BCL9: variants seen among roughly 807,000 people sequenced by gnomAD.
BCL9 encodes BCL9 transcription coactivator, also known as B-cell CLL/lymphoma 9 protein.
BCL9 carries 25 observed loss-of-function variants against 88.5 expected under a neutral mutation model. The observed-to-expected ratio is 0.28, with a 90% CI of 0.21 to 0.39. The LOEUF (loss-of-function observed/expected upper bound fraction) is 0.39, where lower values mean the gene tolerates loss of function less well. Among genes scored for constraint, BCL9 ranks in the 10% least tolerant of loss-of-function variants. The pLI is 1.00. For missense variants in BCL9, 1,817 were observed against 1,877.8 expected (o/e 0.97, Z 0.60); for synonymous variants, 711 against 673.3 (o/e 1.06, Z -0.87).
intron 1 of BCL9, among the ~76,000 whole-genome samples, chr1:147,550,020 A>G (rs1225148369): frequency 6.6e-6 from 1 of 152,044 alleles, no homozygotes; most frequent in Non-Finnish European, 1.5e-5. Flanking sequence ...TTCTTTCCTT[A>G]CATTCTTTCA....
intron 1 of BCL9, among the ~76,000 whole-genome samples, chr1:147,554,669 G>A (rs782761050): frequency 2.0e-5 from 3 of 152,218 alleles, no homozygotes; most frequent in South Asian, 2.1e-4. Flanking sequence ...GGAATCAGGC[G>A]ACCTGGGTTC....
chr1:147,596,338 C>A (rs587707732), intron 1 of BCL9, among the ~76,000 whole-genome samples: 1 of 152,144 alleles, frequency 6.6e-6, no homozygotes, highest in African/African-American at 2.4e-5. Context: ...GAAATAATTT[C>A]CTGGCTATGT....
Position 147,624,486 on chromosome 1 carries a change from T to C in BCL9, c.3808T>C (p.Phe1270Leu). 1 of 1,613,840 alleles carries C rather than the reference T, an allele frequency of 6.2e-7. No homozygotes were observed. The highest frequency in any genetic ancestry group is 1.3e-5 in the African/African-American group (1 of 74,932). ...ACAGCCCCAGGGTCCTGGACCTGGG[T>C]TTTCACACATGCAGGGGATGATGGG... ...RKQPQGPGPGFSHMQGMMGEQ... is the reference protein window; with the variant it reads ...RKQPQGPGPGLSHMQGMMGEQ... The change falls in exon 10 of 10, where the codon TTT becomes CTT. Residue 1270 changes from phenylalanine (F) to leucine (L), a missense_variant. This residue lies in a region of BCL9 where 589 missense variants were observed against 686.2 expected (regional missense o/e 0.86). Transcript: ENST00000234739. The surrounding 1 kb of genome is among the most constrained non-coding windows in gnomAD (Gnocchi z 4.4).
intron 6 of BCL9, 136 bp downstream of exon 6, chr1:147,614,752 ACTC>A: frequency 1.1e-6 from 1 of 943,964 alleles, no homozygotes; most frequent in Non-Finnish European, 1.5e-6. Flanking sequence ...CCCAACCCAA[ACTC>A]CCCCAGAGGC....
intron 1 of BCL9, chr1:147,600,051 G>A (rs1270772667): frequency 6.6e-6 from 1 of 150,438 alleles, no homozygotes; most frequent in Admixed American, 6.6e-5. Context: ...TCCGAGGCGG[G>A]GCCGGCTGTA....
At chr1:147,609,515 A>C (rs1657897408) in intron 3 of BCL9, among the ~76,000 whole-genome samples, 1 of 152,230 alleles carries the variant, frequency 6.6e-6, no homozygotes, top group Non-Finnish European at 1.5e-5. Flanking sequence ...AGCCATTCAC[A>C]CCCCATGTGC....
rs782747030 is a variant in BCL9 at position 147,624,805 on chromosome 1, G to A, written c.4127G>A (p.Gly1376Asp). 8 of 1,614,094 alleles carry A rather than the reference G, an allele frequency of 5.0e-6. No individual in the cohort carries two copies. Among genetic ancestry groups the A allele is most frequent in the South Asian group, 1.1e-5 (1 of 91,074 alleles). ...CTCTACACCCACCCTGGGCCTGTGGGCTCTCCAGGCATGATGATGTCCATG... is the reference window on the plus strand; with the variant it reads ...CTCTACACCCACCCTGGGCCTGTGGACTCTCCAGGCATGATGATGTCCATG... ...AGLYTHPGPV[G>D]SPGMMMSMQG... is the part of the protein sequence containing the mutation. The change falls in exon 10 of 10, where the codon GGC becomes GAC. Residue 1376 changes from glycine (G) to aspartate (D), a missense_variant. Transcript: ENST00000234739. This position sits in a 1 kb window ranked among gnomAD's most constrained non-coding sequence, Gnocchi z 4.4.
Position 147,625,505 on chromosome 1 carries a change from T to G in BCL9, c.*546T>G. 1 of 204,146 alleles carries G rather than the reference T, an allele frequency of 4.9e-6. No individual in the cohort carries two copies. Among genetic ancestry groups the G allele is most frequent in the Non-Finnish European group, 9.5e-6 (1 of 105,112 alleles). The allele number at this position is 204,146 out of a possible 1,614,324, so 12.6% of individuals were successfully genotyped here. On this transcript the variant is annotated 3_prime_UTR_variant, in exon 10 of 10. Coordinates refer to ENST00000234739, the MANE Select transcript of BCL9 (RefSeq NM_004326.4). ...TTGGACTATTTTCTTTCAACTGCAG[T>G]GTATAGAAAAACCAAACTACGACCT...
At position 147,619,700 on chromosome 1, in the gene BCL9, C is replaced by T. The variant is rs781845317; in HGVS notation, c.1545C>T (p.Pro515=). 1.9e-6 allele frequency: 3 copies of T among 1,614,036 alleles called. No homozygotes were observed. The highest frequency in any genetic ancestry group is 1.7e-6 in the Non-Finnish European group (2 of 1,180,014). Residue 515 remains proline, a synonymous_variant, in exon 8 of 10, where the codon CCC becomes CCT. Coordinates refer to ENST00000234739, the MANE Select transcript of BCL9 (RefSeq NM_004326.4). This position sits in a 1 kb window ranked among gnomAD's most constrained non-coding sequence, Gnocchi z 4.1. The part of the protein sequence containing the change: ...HGPRGVVRGP[P]PPYQMTPSEG... ...CTCGGGGAGTGGTCCGAGGACCCCCCCCTCCATACCAGATGACCCCTAGTG... is the reference window on the plus strand; with the variant it reads ...CTCGGGGAGTGGTCCGAGGACCCCCTCCTCCATACCAGATGACCCCTAGTG...
chr1:147,569,644 C>A (rs368999145), intron 1 of BCL9, among the ~76,000 whole-genome samples: 1 of 141,994 alleles, frequency 7.0e-6, no homozygotes, highest in African/African-American at 2.7e-5. Flanking sequence ...AGTGAGACTC[C>A]GTCTCACAAA....
intron 9 of BCL9, among the ~76,000 whole-genome samples, chr1:147,623,552 G>T (rs1658760249): frequency 1.3e-5 from 2 of 152,170 alleles, no homozygotes; most frequent in African/African-American, 2.4e-5. Context: ...CAATGAGGAA[G>T]GCGAAACTCA....
At chr1:147,566,743 C>A (rs1207502128) in intron 1 of BCL9, among the ~76,000 whole-genome samples, 7 of 139,514 alleles carry the variant, frequency 5.0e-5, no homozygotes, top group African/African-American at 1.6e-4. Flanking sequence ...GGTGACAGAG[C>A]GAGACGCTGT....
chr1:147,542,375 G>A (rs1654371908), intron 1 of BCL9, among the ~76,000 whole-genome samples: 1 of 152,216 alleles, frequency 6.6e-6, no homozygotes, highest in South Asian at 2.1e-4. Flanking sequence ...GGGGTGCCCC[G>A]TGCCTCAATT....
intron 1 of BCL9, among the ~76,000 whole-genome samples, chr1:147,604,027 T>A (rs1657528622): frequency 6.6e-6 from 1 of 152,218 alleles, no homozygotes; most frequent in South Asian, 2.1e-4. Flanking sequence ...AGACTGTAAT[T>A]TTTGAAGTAG....
At chr1:147,574,435 G>A (rs2101536525) in intron 1 of BCL9, among the ~76,000 whole-genome samples, 1 of 152,262 alleles carries the variant, frequency 6.6e-6, no homozygotes, top group East Asian at 1.9e-4. Flanking sequence ...GAATTCCAGA[G>A]GAACCAACCA....
intron 1 of BCL9, among the ~76,000 whole-genome samples, chr1:147,599,495 C>CCA (rs68131066): frequency 5.5e-5 from 7 of 127,238 alleles, no homozygotes; most frequent in African/African-American, 2.3e-4. Flanking sequence ...TGGCCCCCCG[C>CCA]CCCCCTCGGT....
In BCL9 at chr1:147,624,193, C is replaced by T; in HGVS notation, c.3515C>T (p.Pro1172Leu). ...AGCTTCCCAGGAGGGATGGGTTTCC[C>T]AGGAGAAGGCCCCCTTGGCCGCCCC... ...QGSFPGGMGF[P>L]GEGPLGRPSN... The change falls in exon 10 of 10, where the codon CCA becomes CTA. Residue 1172 changes from proline (P) to leucine (L), a missense_variant. Around this residue, in one of 2 missense-constraint regions of BCL9, gnomAD observed 589 missense variants for 686.2 expected, o/e 0.86. Coordinates refer to ENST00000234739, the MANE Select transcript of BCL9 (RefSeq NM_004326.4). The surrounding 1 kb of genome is among the most constrained non-coding windows in gnomAD (Gnocchi z 4.4). The T allele has an allele frequency of 6.2e-7, 1 of 1,608,100 alleles. No homozygotes were observed. Among genetic ancestry groups the T allele is most frequent in the Non-Finnish European group, 8.5e-7 (1 of 1,176,138 alleles).
intron 1 of BCL9, among the ~76,000 whole-genome samples, chr1:147,586,194 T>C (rs1553199206): frequency 6.6e-6 from 1 of 152,182 alleles, no homozygotes; most frequent in African/African-American, 2.4e-5. Flanking sequence ...CATGTGTGAC[T>C]CAGCCTTTCC....
chr1:147,570,631 T>TTTTA, intron 1 of BCL9, among the ~76,000 whole-genome samples: 1 of 58,024 alleles, frequency 1.7e-5, no homozygotes, highest in South Asian at 4.5e-4. Flanking sequence ...ACTGATTTTC[T>TTTTA]TTTTTTTCTT....
Sources: gnomAD v4.1 joint callset for allele counts (sites outside exome capture counted in the v4.1 genomes callset) on GRCh38, gnomAD v4.1.1 for gene constraint, gnomAD v4.1.1 regional missense constraint, Gnocchi (gnomAD v3.1) non-coding constraint, MANE v1.5 for transcripts, NCBI Gene and HGNC (gene_info 2026-07-23, HGNC 2026-07-21) for gene names.